Variants in RDH10 observed in about 807,000 individuals in gnomAD.
RDH10 encodes the protein retinol dehydrogenase 10 (all-trans).
RDH10 carries 12 observed loss-of-function variants against 30.2 expected under a neutral mutation model. The ratio of observed to expected loss-of-function variants is 0.40; its 90% CI spans 0.25 to 0.64. The LOEUF (loss-of-function observed/expected upper bound fraction) is 0.64, where lower values mean the gene tolerates loss of function less well. Ranked by LOEUF, RDH10 falls within the 30% of genes least tolerant of loss-of-function variation. The pLI is 0.43. For missense variants in RDH10, 268 were observed against 445.2 expected (o/e 0.60, Z 3.58); for synonymous variants, 189 against 172.2 (o/e 1.10, Z -0.76).
intron 3 of RDH10, 137 bp from the exon 4 acceptor site, chr8:73,320,795 T>G: frequency 2.5e-6 from 2 of 798,870 alleles, no homozygotes; most frequent in Non-Finnish European, 3.9e-6. Flanking sequence ...TTAAAATGAT[T>G]TCCTTTTCTT....
At chr8:73,306,549 G>A (rs1295277811) in intron 2 of RDH10, among the ~76,000 whole-genome samples, 1 of 152,208 alleles carries the variant, frequency 6.6e-6, no homozygotes, top group South Asian at 2.1e-4. Context: ...AATGCTGCTA[G>A]AATATTTAAC....
At chr8:73,311,997 TGAA>T (rs746504179) in intron 2 of RDH10, 1 of 145,456 alleles carries the variant, frequency 6.9e-6, no homozygotes, top group Non-Finnish European at 1.5e-5. Flanking sequence ...AATTTTGTAA[TGAA>T]GATTTTTTTT....
chr8:73,302,206 A>G (rs528535947), intron 2 of RDH10, among the ~76,000 whole-genome samples: 1 of 152,252 alleles, frequency 6.6e-6, no homozygotes, highest in Non-Finnish European at 1.5e-5. Flanking sequence ...TCTCCTAGGA[A>G]CCTTCTCCTG....
At chr8:73,304,729 T>G (rs1356316899) in intron 2 of RDH10, among the ~76,000 whole-genome samples, 2 of 152,174 alleles carry the variant, frequency 1.3e-5, no homozygotes, top group Non-Finnish European at 2.9e-5. Context: ...GCCATTTGAG[T>G]CCTGTTTTAC....
Position 73,295,545 on chromosome 8 carries a change from G to T in RDH10, c.256G>T (p.Asp86Tyr). 1 of 1,545,258 alleles carries T rather than the reference G, an allele frequency of 6.5e-7. No homozygotes were observed. The highest frequency in any genetic ancestry group is 8.7e-7 in the Non-Finnish European group (1 of 1,146,902). ...TGGCATGGTGCGCCACATCTACCGC[G>T]ACCTGGAGGCGGCCGACGCCGCTGC... is the stretch of plus-strand genomic sequence containing the variant. ...TAGMVRHIYR[D>Y]LEAADAAALQ... is the part of the protein sequence containing the mutation. The change falls in exon 1 of 6, where the codon GAC (aspartate) becomes TAC (tyrosine). Residue 86 changes from aspartate (D) to tyrosine (Y), a missense_variant. Physicochemically the swap from Asp to Tyr is radical, Grantham distance 160 (BLOSUM62 -3). Around this residue, in one of 4 missense-constraint regions of RDH10, gnomAD observed 46 missense variants for 36.7 expected, o/e 1.25. Transcript: ENST00000240285.
At chr8:73,316,259 C>G (rs993825651) in intron 2 of RDH10, among the ~76,000 whole-genome samples, 4 of 152,142 alleles carry the variant, frequency 2.6e-5, no homozygotes, top group Admixed American at 2.0e-4. Context: ...CTCAAGTGAT[C>G]CTCCCGCCTT....
At chr8:73,308,283 G>C (rs895327516) in intron 2 of RDH10, among the ~76,000 whole-genome samples, 5 of 152,112 alleles carry the variant, frequency 3.3e-5, no homozygotes, top group African/African-American at 1.2e-4. Context: ...ATATTCTTAT[G>C]GGATCAGAAT....
rs1306907734 is a variant in RDH10, at chr8:73,324,246, A to G, written c.*1210A>G. The G allele has an allele frequency of 2.0e-5, 3 of 152,684 alleles. No homozygotes were observed. The highest frequency in any genetic ancestry group is 4.4e-5 in the Non-Finnish European group (3 of 68,040). The allele number at this position is 152,684 out of a possible 1,614,324, so 9.5% of individuals were successfully genotyped here. A position where few individuals can be genotyped will look rare whatever the true frequency, so the allele number is the denominator to read the frequency against. On this transcript the variant is annotated 3_prime_UTR_variant, in exon 6 of 6. Transcript: ENST00000240285. ...CTATGGCATATGTATGGAAGGGTGT[A>G]AAGATTCTTTTGAAAGGTTTATTCA...
rs773869818 is a variant in RDH10, at chr8:73,320,976, C to T, written c.669C>T (p.Ser223=). ...SKFGVVGFHE[S]LSHELKAAEK... is the part of the protein sequence containing the mutation. The stretch of plus-strand genomic sequence containing the variant: ...TTGGAGTTGTGGGTTTTCATGAATC[C>T]CTGAGCCATGAACTAAAGGCTGCTG... Residue 223 remains serine, a synonymous_variant, in exon 4 of 6, where the codon TCC becomes TCT. Coordinates refer to ENST00000240285, the MANE Select transcript of RDH10 (RefSeq NM_172037.5). 25 of 1,613,844 alleles carry T rather than the reference C, an allele frequency of 1.5e-5. No individual in the cohort carries two copies. The highest frequency in any genetic ancestry group is 2.0e-5 in the Non-Finnish European group (24 of 1,179,938).
At chr8:73,315,609 C>T (rs1414061415) in intron 2 of RDH10, 1 of 455,656 alleles carries the variant, frequency 2.2e-6, no homozygotes, top group Non-Finnish European at 4.4e-6. Flanking sequence ...TTAATACCTG[C>T]AGGCAAGACC....
chr8:73,295,992 G>A (rs1276219267), intron 1 of RDH10: 3 of 248,806 alleles, frequency 1.2e-5, no homozygotes, highest in Non-Finnish European at 2.0e-5. Context: ...CTGTCTTACT[G>A]TGGTCTGAAC....
intron 1 of RDH10, 170 bp downstream of exon 1, chr8:73,295,748 G>A (rs1814250370): frequency 2.1e-6 from 2 of 933,820 alleles, no homozygotes; most frequent in South Asian, 1.9e-5. Context: ...AAAGGAACGC[G>A]ATCACTTCTG....
At chr8:73,313,409 T>C (rs1814605351) in intron 2 of RDH10, 3 of 152,170 alleles carry the variant, frequency 2.0e-5, no homozygotes, top group Admixed American at 1.3e-4. Context: ...TAAGGAGATA[T>C]TAGACTTGTT....
intron 2 of RDH10, among the ~76,000 whole-genome samples, chr8:73,299,581 A>G (rs1427430603): frequency 3.9e-5 from 6 of 152,248 alleles, no homozygotes; most frequent in Admixed American, 3.9e-4. Flanking sequence ...TATGAACCGC[A>G]GATACTGACT....
intron 2 of RDH10, among the ~76,000 whole-genome samples, chr8:73,301,735 G>A (rs571917172): frequency 6.6e-5 from 10 of 152,312 alleles, no homozygotes; most frequent in African/African-American, 2.4e-4. Context: ...CAGCCTGGGT[G>A]ACAGAACAAT....
Position 73,299,565 on chromosome 8 carries a change from G to A in RDH10, c.525+2136G>A, listed in dbSNP as rs375324923. 3.0e-4 allele frequency among the ~76,000 whole-genome samples: 45 copies of A among 152,302 alleles called. 1 individual carries two copies. The South Asian group carries it at 9.1e-3, about 31-fold the overall frequency. On this transcript the variant is annotated intron_variant, in intron 2 of 5. Coordinates refer to ENST00000240285, the MANE Select transcript of RDH10 (RefSeq NM_172037.5). ...TAAACAGTTACAGCACTATCAGTAG[G>A]TTCATTATGAACCGCAGATACTGAC...
At chr8:73,313,334 A>AG (rs1459914071) in intron 2 of RDH10, 62 of 152,358 alleles carry the variant, frequency 4.1e-4, no homozygotes, top group African/African-American at 1.4e-3. Flanking sequence ...TGCTTATATT[A>AG]CAAATGTGAC....
intron 2 of RDH10, among the ~76,000 whole-genome samples, chr8:73,313,913 C>T (rs745673836): frequency 3.9e-5 from 6 of 152,176 alleles, no homozygotes; most frequent in Non-Finnish European, 7.3e-5. Context: ...CTGATCTATC[C>T]ATCCTTATAC....
chr8:73,314,522 TG>T (rs1196056530), intron 2 of RDH10, among the ~76,000 whole-genome samples: 1 of 152,230 alleles, frequency 6.6e-6, no homozygotes, highest in Non-Finnish European at 1.5e-5. Context: ...TCACGTGTAC[TG>T]GGCTCCAGCG....
Sources: allele counts gnomAD v4.1 joint callset (sites outside exome capture counted in the v4.1 genomes callset), GRCh38; gene constraint gnomAD v4.1.1; regional missense constraint gnomAD v4.1.1; transcripts MANE v1.5; gene names NCBI Gene and HGNC (gene_info 2026-07-23, HGNC 2026-07-21).